Variants in REPS1 observed in about 807,000 individuals in gnomAD.
REPS1 encodes ralBP1-associated Eps domain-containing protein 1.
A neutral mutation model predicts 100.9 loss-of-function variants in REPS1; 39 were observed. That is an observed-to-expected ratio of 0.39 (90% confidence interval 0.30 to 0.50). REPS1 has a LOEUF of 0.50. Among genes scored for constraint, REPS1 ranks in the 20% least tolerant of loss-of-function variants. The probability of loss-of-function intolerance (pLI) is 0.86; values close to 1 mark genes in which losing one functional copy is unlikely to be tolerated. For synonymous variants in REPS1, 324 were observed against 340.3 expected (o/e 0.95, Z 0.53); for missense variants, 821 against 968.5 (o/e 0.85, Z 2.02).
At chr6:138,948,329 A>C (rs1162269582) in intron 1 of REPS1, among the ~76,000 whole-genome samples, 1 of 152,214 alleles carries the variant, frequency 6.6e-6, no homozygotes, top group Non-Finnish European at 1.5e-5. Flanking sequence ...GGATTTATCA[A>C]GTGGGGAAGA....
intron 10 of REPS1, among the ~76,000 whole-genome samples, chr6:138,924,675 G>A (rs1780986784): frequency 1.3e-5 from 2 of 152,124 alleles, no homozygotes; most frequent in South Asian, 4.1e-4. Context: ...GTACAATAAT[G>A]AGACAGGAAT....
Position 138,905,010 on chromosome 6 carries a change from T to C in REPS1, c.*54A>G, listed in dbSNP as rs774840108. ...TGAATGTCTAGGTCTCCAAATTGGC[T>C]TTGAACCCAAAACCACTTAAAAACA... On this transcript the variant is annotated 3_prime_UTR_variant, in exon 20 of 20. Transcript: ENST00000450536. The C allele has an allele frequency of 5.2e-6, 8 of 1,547,942 alleles. No homozygotes were observed. The South Asian group carries it at 9.0e-5, about 17-fold the overall frequency.
rs1427130709 is a variant in REPS1 at position 138,904,249 on chromosome 6, A to G, written c.*815T>C. On this transcript the variant is annotated 3_prime_UTR_variant, in exon 20 of 20. Transcript: ENST00000450536. Reference sequence around the variant, plus strand: ...TCATTAATAGGAAAAACTTGTCTGTATAGCAAAAGAATGAGTGACAAGATG... The same window carrying G: ...TCATTAATAGGAAAAACTTGTCTGTGTAGCAAAAGAATGAGTGACAAGATG... 6.6e-6 allele frequency: 1 copy of G among 152,232 alleles called. No individual in the cohort carries two copies. The highest frequency in any genetic ancestry group is 1.5e-5 in the Non-Finnish European group (1 of 68,028). The allele number at this position is 152,232 out of a possible 1,614,324, so 9.4% of individuals were successfully genotyped here. A position where few individuals can be genotyped will look rare whatever the true frequency, so the allele number is the denominator to read the frequency against.
intron 8 of REPS1, among the ~76,000 whole-genome samples, chr6:138,931,932 A>C (rs1377764937): frequency 6.6e-6 from 1 of 152,196 alleles, no homozygotes; most frequent in Non-Finnish European, 1.5e-5. Flanking sequence ...AAATAAACAG[A>C]ATTAAAACAG....
chr6:138,919,323 T>C (rs1780603563), intron 12 of REPS1, among the ~76,000 whole-genome samples: 1 of 152,176 alleles, frequency 6.6e-6, no homozygotes, highest in South Asian at 2.1e-4. Flanking sequence ...CATCTTCCCT[T>C]GCCTGATTAC....
Position 138,987,865 on chromosome 6 carries a change from G to T in REPS1, c.-183C>A. On this transcript the variant is annotated 5_prime_UTR_variant, in exon 1 of 20. Coordinates refer to ENST00000450536, the MANE Select transcript of REPS1 (RefSeq NM_001286611.2). ...AGGGCCCGGAGGTCGCGAGGAGGGG[G>T]CCCGGCTGCGCTCGCCGCGCCGCTG... 5.2e-6 allele frequency: 3 copies of T among 579,490 alleles called. No individual in the cohort carries two copies. Among genetic ancestry groups the T allele is most frequent in the Non-Finnish European group, 7.6e-6 (3 of 395,202 alleles). The allele number at this position is 579,490 out of a possible 1,614,324, so 35.9% of individuals were successfully genotyped here.
chr6:138,945,392 T>C lies in REPS1; in HGVS notation c.475-20A>G, dbSNP rs757731999. Reference sequence around the variant, plus strand: ...AGGTTCCTAGAAAAGAATATTATTTTAAAATTTTAACTTTAAGGAGACATT... The same window carrying C: ...AGGTTCCTAGAAAAGAATATTATTTCAAAATTTTAACTTTAAGGAGACATT... On this transcript the variant is annotated intron_variant, in intron 3 of 19. Transcript: ENST00000450536. 1.9e-6 allele frequency: 3 copies of C among 1,592,158 alleles called. No individual in the cohort carries two copies. Among genetic ancestry groups the C allele is most frequent in the South Asian group, 2.3e-5 (2 of 86,894 alleles).
At chr6:138,913,000 T>C (rs778111246) in intron 15 of REPS1, 50 bp from the exon 16 acceptor site, 2 of 1,462,840 alleles carry the variant, frequency 1.4e-6, no homozygotes, top group Non-Finnish European at 9.3e-7. Flanking sequence ...AGCCTATCAG[T>C]GTCACAGAGT....
At chr6:138,908,904 A>C (rs182747440) in intron 17 of REPS1, 88 bp from the exon 18 acceptor site, 1 of 1,251,926 alleles carries the variant, frequency 8.0e-7, no homozygotes, top group Admixed American at 2.9e-5. Context: ...TCTTTAAGCC[A>C]TTTGCTCTTG....
At chr6:138,940,728 G>A (rs1287320065) in intron 8 of REPS1, among the ~76,000 whole-genome samples, 12 of 147,376 alleles carry the variant, frequency 8.1e-5, no homozygotes, top group African/African-American at 3.0e-4. Context: ...CCTGGTGACA[G>A]AACGAGACTC....
At chr6:138,942,992 C>T (rs1391246914) in intron 7 of REPS1, among the ~76,000 whole-genome samples, 1 of 152,198 alleles carries the variant, frequency 6.6e-6, no homozygotes, top group African/African-American at 2.4e-5. Context: ...AGGTAATCCA[C>T]CTGCCTCGGC....
Position 138,915,974 on chromosome 6 carries a change from G to A in REPS1, c.1604C>T (p.Ser535Phe), listed in dbSNP as rs773092545. The change falls in exon 14 of 20, where the codon TCT (serine) becomes TTT (phenylalanine). Residue 535 changes from serine to phenylalanine, a missense_variant and splice_region_variant. By Grantham distance (155) the Ser-to-Phe change is radical (BLOSUM62 -2). Coordinates refer to ENST00000450536, the MANE Select transcript of REPS1 (RefSeq NM_001286611.2). ...QIGSNVTRQR[S>F]HSGTSPDNTA... ...GTTATCAGGCGACGTTCCTGAATGAGACCTGCAAAATTCACCCCATGATAA... is the reference window on the plus strand; with the variant it reads ...GTTATCAGGCGACGTTCCTGAATGAAACCTGCAAAATTCACCCCATGATAA... 3.7e-6 allele frequency: 6 copies of A among 1,609,384 alleles called. No individual in the cohort carries two copies. The highest frequency in any genetic ancestry group is 5.1e-6 in the Non-Finnish European group (6 of 1,175,804).
chr6:138,926,259 A>G (rs1781113502), intron 10 of REPS1, 142 bp downstream of exon 10: 1 of 568,702 alleles, frequency 1.8e-6, no homozygotes, highest in Non-Finnish European at 3.1e-6. Flanking sequence ...TCCCACCATT[A>G]AGCACACAAA....
At chr6:138,963,597 G>T (rs1481979673) in intron 1 of REPS1, among the ~76,000 whole-genome samples, 1 of 152,144 alleles carries the variant, frequency 6.6e-6, no homozygotes, top group Non-Finnish European at 1.5e-5. Flanking sequence ...AACAATGTTT[G>T]CTTTGTCCAA....
intron 8 of REPS1, among the ~76,000 whole-genome samples, chr6:138,935,859 G>C (rs1211782568): frequency 8.8e-5 from 10 of 113,774 alleles, no homozygotes; most frequent in African/African-American, 2.9e-4. Flanking sequence ...ATCTTGGCGG[G>C]GGGGGGGGGC....
Position 138,972,955 on chromosome 6 carries a change from T to C in REPS1, c.153+14575A>G, listed in dbSNP as rs543648488. On this transcript the variant is annotated intron_variant, in intron 1 of 19. Coordinates refer to ENST00000450536, the MANE Select transcript of REPS1 (RefSeq NM_001286611.2). ...CACCCATCAATGTACTGATGAGGAATGAAGTTCTAAAGCACCAACTAAGCA... is the reference window on the plus strand; with the variant it reads ...CACCCATCAATGTACTGATGAGGAACGAAGTTCTAAAGCACCAACTAAGCA... Among the ~76,000 whole-genome samples the C allele has an allele frequency of 2.4e-3, 367 of 152,282 alleles. 1 individual carries two copies. The highest frequency in any genetic ancestry group is 4.4e-3 in the Non-Finnish European group (302 of 68,026).
At chr6:138,986,182 A>G (rs1036898428) in intron 1 of REPS1, among the ~76,000 whole-genome samples, 1 of 152,226 alleles carries the variant, frequency 6.6e-6, no homozygotes, top group Admixed American at 6.5e-5. Flanking sequence ...AATATGCAAC[A>G]GAGAGCATAT....
chr6:138,960,075 G>A (rs1239061529), intron 1 of REPS1, among the ~76,000 whole-genome samples: 1 of 152,190 alleles, frequency 6.6e-6, no homozygotes. Flanking sequence ...CTGTAGTCGA[G>A]TAAGTTGAGG....
At chr6:138,926,921 C>G (rs1218605054) in intron 9 of REPS1, 1 of 157,272 alleles carries the variant, frequency 6.4e-6, no homozygotes, top group Middle Eastern at 3.3e-3. Flanking sequence ...TTGTTCAAAA[C>G]AAAGCAAGTC....
Sources: allele counts gnomAD v4.1 joint callset (sites outside exome capture counted in the v4.1 genomes callset), GRCh38; gene constraint gnomAD v4.1.1; transcripts MANE v1.5; gene names NCBI Gene and HGNC (gene_info 2026-07-23, HGNC 2026-07-21).